Variants in APBB2 observed in about 807,000 individuals in gnomAD.
APBB2 encodes the protein amyloid beta precursor protein binding family B member 2.
A neutral mutation model predicts 82.5 loss-of-function variants in APBB2; 38 were observed. The observed-to-expected ratio is 0.46, with a 90% CI of 0.36 to 0.60. The LOEUF is 0.60. Among genes scored for constraint, APBB2 ranks in the 20% least tolerant of loss-of-function variants. The pLI is 0.00. For synonymous variants in APBB2, 341 were observed against 368.2 expected (o/e 0.93, Z 0.85); for missense variants, 772 against 972.3 (o/e 0.79, Z 2.74).
intron 6 of APBB2, among the ~76,000 whole-genome samples, chr4:40,975,679 T>C (rs571107256): frequency 6.6e-6 from 1 of 151,546 alleles, no homozygotes; most frequent in Non-Finnish European, 1.5e-5. Context: ...AAGAGAACCA[T>C]CACGTCATGA....
At chr4:40,845,500 T>C (rs1004085870) in intron 12 of APBB2, among the ~76,000 whole-genome samples, 6 of 142,760 alleles carry the variant, frequency 4.2e-5, no homozygotes, top group African/African-American at 1.6e-4. Flanking sequence ...AATGCCGGAG[T>C]AATTGGCAAT....
intron 6 of APBB2, among the ~76,000 whole-genome samples, chr4:40,974,664 G>A (rs1365381041): frequency 6.6e-6 from 1 of 152,172 alleles, no homozygotes; most frequent in Non-Finnish European, 1.5e-5. Context: ...TCTCCATGAA[G>A]ATCTGTCTGG....
At chr4:40,989,813 T>A (rs1801522043) in intron 6 of APBB2, among the ~76,000 whole-genome samples, 1 of 152,114 alleles carries the variant, frequency 6.6e-6, no homozygotes, top group Admixed American at 6.5e-5. Flanking sequence ...TATTCATAGA[T>A]TAAATATTGC....
intron 1 of APBB2, among the ~76,000 whole-genome samples, chr4:41,161,918 G>C (rs1278386725): frequency 6.6e-6 from 1 of 151,950 alleles, no homozygotes; most frequent in Non-Finnish European, 1.5e-5. Context: ...CCCCCATACA[G>C]CCAGCCATCA....
At chr4:40,916,188 T>A (rs776149936) in intron 10 of APBB2, among the ~76,000 whole-genome samples, 2 of 152,174 alleles carry the variant, frequency 1.3e-5, no homozygotes, top group Non-Finnish European at 2.9e-5. Flanking sequence ...GAGGAATGTA[T>A]GTGCACAGAG....
intron 6 of APBB2, 116 bp downstream of exon 6, chr4:41,013,467 G>T: frequency 1.0e-6 from 1 of 967,734 alleles, no homozygotes; most frequent in Non-Finnish European, 1.6e-6. Flanking sequence ...ACCGCAAGAG[G>T]CTCACGTTCC....
intron 1 of APBB2, among the ~76,000 whole-genome samples, chr4:41,204,495 T>C (rs1230433457): frequency 6.6e-6 from 1 of 152,174 alleles, no homozygotes; most frequent in African/African-American, 2.4e-5. Context: ...AGGTGCACTG[T>C]GGAATAGACT....
intron 2 of APBB2, among the ~76,000 whole-genome samples, chr4:41,110,433 T>G (rs1429231425): frequency 1.3e-5 from 2 of 151,968 alleles, no homozygotes; most frequent in Non-Finnish European, 2.9e-5. Flanking sequence ...TGAAACCCCA[T>G]CTCTACTAAA....
At chr4:40,838,849 G>A (rs1028668551) in intron 12 of APBB2, among the ~76,000 whole-genome samples, 3 of 152,222 alleles carry the variant, frequency 2.0e-5, no homozygotes, top group Non-Finnish European at 2.9e-5. Flanking sequence ...CGTAGTGTAA[G>A]TGGAATTTGC....
chr4:40,990,072 T>A (rs1053904362), intron 6 of APBB2: 3 of 152,248 alleles, frequency 2.0e-5, no homozygotes, highest in African/African-American at 7.2e-5. Flanking sequence ...CACCCAAGTG[T>A]CCATCCATAG....
At chr4:40,840,615 G>C (rs961740365) in intron 12 of APBB2, among the ~76,000 whole-genome samples, 1 of 152,164 alleles carries the variant, frequency 6.6e-6, no homozygotes, top group South Asian at 2.1e-4. Flanking sequence ...AGCTTAAAAA[G>C]ATGCTAAGTT....
intron 6 of APBB2, among the ~76,000 whole-genome samples, chr4:40,951,045 T>C (rs1478937722): frequency 1.3e-5 from 2 of 152,140 alleles, no homozygotes; most frequent in Non-Finnish European, 2.9e-5. Context: ...CTTAGGCATA[T>C]AGATGTAGAT....
At chr4:40,958,353 G>C (rs1220760873) in intron 6 of APBB2, among the ~76,000 whole-genome samples, 1 of 152,092 alleles carries the variant, frequency 6.6e-6, no homozygotes, top group Non-Finnish European at 1.5e-5. Context: ...GAGAACCTCA[G>C]GCTTAAGGGT....
In APBB2 at chr4:40,812,503, T is replaced by C. The variant is rs180987723; in HGVS notation, c.*3589A>G. The C allele has an allele frequency of 3.3e-5, 5 of 152,380 alleles. No individual in the cohort carries two copies. The highest frequency in any genetic ancestry group is 1.2e-4 in the African/African-American group (5 of 41,588). 9.4% of individuals were successfully genotyped at this position (152,380 alleles called of 1,614,324 possible). On this transcript the variant is annotated 3_prime_UTR_variant, in exon 18 of 18. Coordinates refer to ENST00000508593, the MANE Select transcript of APBB2 (RefSeq NM_004307.2). ...CTGAAGTTAAACTTTCTACTGGCCGTGTGGCACACACGTTAGATGTGTATT... is the reference window on the plus strand; with the variant it reads ...CTGAAGTTAAACTTTCTACTGGCCGCGTGGCACACACGTTAGATGTGTATT...
At chr4:40,864,288 A>G (rs992868502) in intron 12 of APBB2, among the ~76,000 whole-genome samples, 5 of 151,196 alleles carry the variant, frequency 3.3e-5, no homozygotes, top group African/African-American at 1.2e-4. Flanking sequence ...AAACAAAACA[A>G]AAAAACCACT....
intron 1 of APBB2, among the ~76,000 whole-genome samples, chr4:41,154,717 G>A (rs2154029897): frequency 6.6e-6 from 1 of 152,264 alleles, no homozygotes; most frequent in African/African-American, 2.4e-5. Flanking sequence ...AGACATTTTG[G>A]CAGAATTTGG....
chr4:40,982,919 T>C (rs1439104487), intron 6 of APBB2, among the ~76,000 whole-genome samples: 4 of 152,210 alleles, frequency 2.6e-5, no homozygotes, highest in African/African-American at 4.8e-5. Flanking sequence ...AAGGAGTCAC[T>C]CTGTCCTCTC....
chr4:41,096,104 AAGT>A, intron 3 of APBB2, among the ~76,000 whole-genome samples: 1 of 152,110 alleles, frequency 6.6e-6, no homozygotes, highest in Admixed American at 6.5e-5. Context: ...CTCAGCCCTC[AAGT>A]CATACTTCAG....
chr4:41,181,286 G>A (rs558350814), intron 1 of APBB2, among the ~76,000 whole-genome samples: 1 of 152,142 alleles, frequency 6.6e-6, no homozygotes. Context: ...TTTGTTTCAC[G>A]CTACTCTTTC....
Sources: gnomAD v4.1 joint callset for allele counts (sites outside exome capture counted in the v4.1 genomes callset) on GRCh38, gnomAD v4.1.1 for gene constraint, MANE v1.5 for transcripts, NCBI Gene and HGNC (gene_info 2026-07-23, HGNC 2026-07-21) for gene names.